The following ZDHHC15 variants were observed in gnomAD, a reference collection of about 807,000 sequenced individuals.
ZDHHC15 encodes zDHHC palmitoyltransferase 15.
Under a neutral mutation model 31.7 loss-of-function variants are expected in ZDHHC15, and 19 were observed. The ratio of observed to expected loss-of-function variants is 0.60; its 90% confidence interval spans 0.42 to 0.88. The LOEUF (loss-of-function observed/expected upper bound fraction) is 0.88, where lower values mean the gene tolerates loss of function less well. Among genes scored for constraint, ZDHHC15 ranks in the 40% least tolerant of loss-of-function variants. The probability of loss-of-function intolerance (pLI) is 0.00; values close to 1 mark genes in which losing one functional copy is unlikely to be tolerated. For missense variants in ZDHHC15, 209 were observed against 251.2 expected, an observed-to-expected ratio of 0.83 and a Z score of 1.14; for synonymous variants, 103 against 90.0, an observed-to-expected ratio of 1.14 and a Z score of -0.82.
intron 3 of ZDHHC15, among the ~76,000 whole-genome samples, chrX:75,466,336 T>C (rs963680279): frequency 2.7e-5 from 3 of 111,712 alleles, no homozygotes; most frequent in African/African-American, 3.3e-5. Context: ...CTTTACACTG[T>C]TGGTGGGAGT....
chrX:75,400,170 G>T lies in ZDHHC15; in HGVS notation c.967+16917C>A, dbSNP rs1442736332. Among the ~76,000 whole-genome samples the T allele has an allele frequency of 2.7e-5, 3 of 111,087 alleles. No individual in the cohort carries two copies. The East Asian group carries it at 8.5e-4, about 31-fold the overall frequency. On this transcript the variant is annotated intron_variant, in intron 10 of 11. Transcript: ENST00000373367. ...GACGTAGAATTCGGAATATGCATAGGAACAAAAATCATCAAGATTCAGGAG... is the reference window on the plus strand; with the variant it reads ...GACGTAGAATTCGGAATATGCATAGTAACAAAAATCATCAAGATTCAGGAG...
At chrX:75,496,729 A>G (rs900233234) in intron 2 of ZDHHC15, among the ~76,000 whole-genome samples, 2 of 111,996 alleles carry the variant, frequency 1.8e-5, no homozygotes, top group African/African-American at 6.5e-5. Context: ...ACATACATGG[A>G]AATTAAATAA....
At chrX:75,435,168 T>G (rs1236431797) in intron 4 of ZDHHC15, among the ~76,000 whole-genome samples, 1 of 112,084 alleles carries the variant, frequency 8.9e-6, no homozygotes, top group Non-Finnish European at 1.9e-5. Flanking sequence ...ATAGCACTGC[T>G]ACTGATTTGT....
At chrX:75,394,569 G>T (rs2083280638) in intron 10 of ZDHHC15, among the ~76,000 whole-genome samples, 1 of 111,711 alleles carries the variant, frequency 9.0e-6, no homozygotes, top group Non-Finnish European at 1.9e-5. Flanking sequence ...AGCATGTGTA[G>T]CTACAAAAAT....
intron 8 of ZDHHC15, among the ~76,000 whole-genome samples, chrX:75,422,589 C>T (rs1193222703): frequency 9.0e-6 from 1 of 111,271 alleles, no homozygotes; most frequent in Non-Finnish European, 1.9e-5. Context: ...TTTAGACACA[C>T]ATTTATCCCA....
intron 3 of ZDHHC15, among the ~76,000 whole-genome samples, chrX:75,478,107 C>T (rs1462185203): frequency 9.0e-6 from 1 of 111,513 alleles, no homozygotes; most frequent in Non-Finnish European, 1.9e-5. Flanking sequence ...ATTACAAATG[C>T]CTGATATAAT....
At chrX:75,427,109 T>C (rs2083723563) in intron 7 of ZDHHC15, among the ~76,000 whole-genome samples, 2 of 111,950 alleles carry the variant, frequency 1.8e-5, no homozygotes, top group African/African-American at 6.5e-5. Context: ...TTACTTTTTA[T>C]TTTAAGGGGA....
chrX:75,403,258 G>A (rs1204558554), intron 10 of ZDHHC15, among the ~76,000 whole-genome samples: 2 of 111,543 alleles, frequency 1.8e-5, no homozygotes, highest in Non-Finnish European at 3.8e-5. Context: ...CTATGACAAA[G>A]TCCCAGCCAA....
intron 2 of ZDHHC15, among the ~76,000 whole-genome samples, chrX:75,495,477 C>A (rs1229984225): frequency 2.7e-5 from 3 of 110,775 alleles, no homozygotes; most frequent in Non-Finnish European, 5.7e-5. Flanking sequence ...AAGACACATG[C>A]ACACGTATGT....
At chrX:75,493,722 A>G (rs1265968001) in intron 2 of ZDHHC15, among the ~76,000 whole-genome samples, 5 of 112,333 alleles carry the variant, frequency 4.5e-5, no homozygotes, top group African/African-American at 1.6e-4. Flanking sequence ...TCCTTTGACA[A>G]AATTCAACAG....
chrX:75,498,039 T>A (rs1293642117), intron 2 of ZDHHC15, among the ~76,000 whole-genome samples: 1 of 109,184 alleles, frequency 9.2e-6, no homozygotes, highest in African/African-American at 3.3e-5. Context: ...GTTCAAGCGA[T>A]TCTCCTGCCT....
intron 4 of ZDHHC15, among the ~76,000 whole-genome samples, chrX:75,446,063 C>T (rs1046013758): frequency 9.0e-6 from 1 of 111,612 alleles, no homozygotes; most frequent in African/African-American, 3.3e-5. Context: ...AATGAAGACA[C>T]GTACTACACT....
At chrX:75,475,605 T>C (rs964206271) in intron 3 of ZDHHC15, among the ~76,000 whole-genome samples, 1 of 112,162 alleles carries the variant, frequency 8.9e-6, no homozygotes, top group Non-Finnish European at 1.9e-5. Flanking sequence ...AGTACCACAT[T>C]GTTTTGATTA....
chrX:75,377,495 CA>C (rs1328198525), intron 11 of ZDHHC15, among the ~76,000 whole-genome samples: 42 of 45,365 alleles, frequency 9.3e-4, no homozygotes, highest in African/African-American at 1.7e-3. Flanking sequence ...GACTCCATCT[CA>C]AAAAAAAAAT....
chrX:75,510,646 T>C (rs1391340004), intron 1 of ZDHHC15, among the ~76,000 whole-genome samples: 1 of 91,988 alleles, frequency 1.1e-5, no homozygotes, highest in Non-Finnish European at 2.1e-5. Context: ...TACATATGTA[T>C]ACATGTGCCA....
At chrX:75,486,983 C>T (rs190355482) in intron 2 of ZDHHC15, among the ~76,000 whole-genome samples, 1 of 111,371 alleles carries the variant, frequency 9.0e-6, no homozygotes, top group East Asian at 2.9e-4. Context: ...ACGTGAGTAC[C>T]CATCCTAGCC....
chrX:75,450,736 T>A (rs1332099766), intron 4 of ZDHHC15, 66 bp downstream of exon 4: 1 of 1,207,136 alleles, frequency 8.3e-7, no homozygotes, highest in African/African-American at 1.8e-5. Flanking sequence ...TTTGAGAACA[T>A]ATATGACTTA....
Position 75,511,710 on chromosome X carries a change from A to G in ZDHHC15, c.137-5863T>C, listed in dbSNP as rs763197050. ...CACAGCCGAATTCTACCAGAGGTAC[A>G]AGGAGGAACTGGTACCATTCCTTCT... On this transcript the variant is annotated intron_variant, in intron 1 of 11. Transcript: ENST00000373367. Among the ~76,000 whole-genome samples, 3 of 102,332 alleles carry G rather than the reference A, an allele frequency of 2.9e-5. No homozygotes were observed. In the East Asian group the frequency reaches 9.4e-4, roughly 32 times the overall value. The allele number at this position is 102,332 out of a possible 115,157, so 88.9% of individuals were successfully genotyped here. A position where few individuals can be genotyped will look rare whatever the true frequency, so the allele number is the denominator to read the frequency against.
intron 10 of ZDHHC15, among the ~76,000 whole-genome samples, chrX:75,395,556 A>T (rs1315540877): frequency 8.9e-6 from 1 of 112,079 alleles, no homozygotes; most frequent in Middle Eastern, 4.2e-3. Context: ...GGAAGCAAAA[A>T]AATAGAAAGA....
Sources: gnomAD v4.1 joint callset for allele counts (sites outside exome capture counted in the v4.1 genomes callset) on GRCh38, gnomAD v4.1.1 for gene constraint, MANE v1.5 for transcripts, NCBI Gene and HGNC (gene_info 2026-07-23, HGNC 2026-07-21) for gene names.